Variants in WDPCP observed in about 807,000 individuals in gnomAD.
WDPCP encodes WD repeat containing planar cell polarity effector.
A neutral mutation model predicts 93.1 loss-of-function variants in WDPCP; 71 were observed. That is an observed-to-expected ratio of 0.76 (90% CI 0.63 to 0.93). WDPCP has a LOEUF of 0.93. Among genes scored for constraint, WDPCP ranks in the 40% least tolerant of loss-of-function variants. The probability of loss-of-function intolerance (pLI) is 0.00; values close to 1 mark genes in which losing one functional copy is unlikely to be tolerated. For missense variants in WDPCP, 844 were observed against 887.4 expected (o/e 0.95, Z 0.62); for synonymous variants, 315 against 315.0 (o/e 1.00, Z 0.00).
intron 10 of WDPCP, among the ~76,000 whole-genome samples, chr2:63,400,612 G>T (rs1174771055): frequency 6.6e-6 from 1 of 152,114 alleles, no homozygotes; most frequent in Non-Finnish European, 1.5e-5. Context: ...AACTACCATT[G>T]ACATTCTTCA....
intron 13 of WDPCP, among the ~76,000 whole-genome samples, chr2:63,301,218 G>GA (rs1685307307): frequency 6.6e-6 from 1 of 152,152 alleles, no homozygotes; most frequent in South Asian, 2.1e-4. Context: ...TGGTAAACGG[G>GA]AAAATTCTGC....
At chr2:63,197,333 T>C (rs1370996184) in intron 14 of WDPCP, among the ~76,000 whole-genome samples, 3 of 152,232 alleles carry the variant, frequency 2.0e-5, no homozygotes, top group African/African-American at 4.8e-5. Context: ...ATAAAACATA[T>C]GTTAATTGAT....
At chr2:63,277,441 C>T (rs187417254) in intron 13 of WDPCP, among the ~76,000 whole-genome samples, 2 of 152,310 alleles carry the variant, frequency 1.3e-5, no homozygotes, top group Admixed American at 1.3e-4. Flanking sequence ...AAATGCTTCA[C>T]TTAAAAGATA....
Position 63,120,012 on chromosome 2 carries a change from T to C in WDPCP, c.*1994A>G, listed in dbSNP as rs1341158825. Among the ~76,000 whole-genome samples the C allele has an allele frequency of 6.6e-6, 1 of 152,194 alleles. No homozygotes were observed. ...AACTATGATTTGTTTAATTTTCACCTACATAACTGGCAAACATTTTCATTA... is the reference window on the plus strand; with the variant it reads ...AACTATGATTTGTTTAATTTTCACCCACATAACTGGCAAACATTTTCATTA... On this transcript the variant is annotated 3_prime_UTR_variant, in exon 18 of 18. Transcript: ENST00000272321.
intron 2 of WDPCP, among the ~76,000 whole-genome samples, chr2:63,805,091 C>T (rs1282126365): frequency 1.3e-5 from 2 of 152,086 alleles, no homozygotes; most frequent in African/African-American, 4.8e-5. Context: ...AAGATAGGAG[C>T]AAAACAAAAG....
At chr2:63,149,310 A>T (rs577207702) in intron 17 of WDPCP, among the ~76,000 whole-genome samples, 1 of 152,208 alleles carries the variant, frequency 6.6e-6, no homozygotes, top group Non-Finnish European at 1.5e-5. Flanking sequence ...TAAAACCTCA[A>T]TGAGAAACCA....
At chr2:63,352,846 A>C (rs544546717) in intron 12 of WDPCP, among the ~76,000 whole-genome samples, 17 of 152,320 alleles carry the variant, frequency 1.1e-4, no homozygotes, top group Admixed American at 3.9e-4. Flanking sequence ...TTCACAAATA[A>C]TGTGAATATG....
intron 14 of WDPCP, among the ~76,000 whole-genome samples, chr2:63,218,971 A>G (rs995282133): frequency 2.0e-5 from 3 of 152,252 alleles, no homozygotes; most frequent in Admixed American, 1.3e-4. Flanking sequence ...ACACAAAACA[A>G]TAGAATGCTT....
chr2:63,448,853 TA>T (rs1174170246), intron 6 of WDPCP, among the ~76,000 whole-genome samples: 6 of 152,168 alleles, frequency 3.9e-5, no homozygotes, highest in Admixed American at 3.9e-4. Flanking sequence ...GTTACCATGC[TA>T]GGGGTAGGGG....
chr2:63,676,877 T>C (rs1338240545), intron 2 of WDPCP, among the ~76,000 whole-genome samples: 1 of 152,218 alleles, frequency 6.6e-6, no homozygotes, highest in East Asian at 1.9e-4. Context: ...GTGCCAATGT[T>C]CGTTTTTTGG....
intron 6 of WDPCP, among the ~76,000 whole-genome samples, chr2:63,455,240 C>A (rs1220497109): frequency 6.6e-6 from 1 of 151,844 alleles, no homozygotes; most frequent in Non-Finnish European, 1.5e-5. Flanking sequence ...CTATACAAAG[C>A]AACCTAAAGA....
At chr2:63,204,107 G>T (rs1052777750) in intron 14 of WDPCP, among the ~76,000 whole-genome samples, 1 of 152,082 alleles carries the variant, frequency 6.6e-6, no homozygotes, top group Non-Finnish European at 1.5e-5. Flanking sequence ...TCTATTTTTA[G>T]TTTTTTGAGG....
chr2:63,388,264 T>C (rs1692914099), intron 10 of WDPCP, among the ~76,000 whole-genome samples: 1 of 152,148 alleles, frequency 6.6e-6, no homozygotes, highest in Non-Finnish European at 1.5e-5. Context: ...AAACAGGGTC[T>C]GGAGTGGACC....
chr2:63,403,087 C>T lies in WDPCP; in HGVS notation c.1435+961G>A, dbSNP rs573152264. Among the ~76,000 whole-genome samples, 12 of 152,200 alleles carry T rather than the reference C, an allele frequency of 7.9e-5. No individual in the cohort carries two copies. The South Asian group carries it at 1.9e-3, about 24-fold the overall frequency. On this transcript the variant is annotated intron_variant, in intron 10 of 17. Transcript: ENST00000272321. Reference sequence around the variant, plus strand: ...ATGTGGTACACTGTGGAATATTATACAGCCATTAAAAAGAACAAGATAATG... The same window carrying T: ...ATGTGGTACACTGTGGAATATTATATAGCCATTAAAAAGAACAAGATAATG...
At position 63,627,989 on chromosome 2, in the gene WDPCP, T is replaced by G. The variant is rs150957149; in HGVS notation, n.488+22670A>C. Among the ~76,000 whole-genome samples the G allele has an allele frequency of 6.4e-3, 976 of 152,276 alleles. 14 individuals carry two copies. The highest frequency in any genetic ancestry group is 0.022 in the African/African-American group (925 of 41,558). ...GGACGGCAAAACTAAAAGAGCGCAC[T>G]GTAACGCACACCCTCTGGGGCTTTA... is the stretch of plus-strand genomic sequence containing the variant. On this transcript the variant is annotated intron_variant and non_coding_transcript_variant, in intron 3 of 4. Coordinates refer to the WDPCP transcript ENST00000467687.
rs563046442 is a variant in WDPCP, at chr2:63,622,351, C to T, written n.488+28308G>A. On this transcript the variant is annotated intron_variant and non_coding_transcript_variant, in intron 3 of 4. Transcript: ENST00000467687. ...AGCTTAGTCAAGATATATTCAAAAC[C>T]CTTCATAGTCTTGGTCACGTTGCTT... 2.7e-5 allele frequency: 43 copies of T among 1,600,160 alleles called. 1 individual carries two copies. In the East Asian group the frequency reaches 5.4e-4, roughly 20 times the overall value.
intron 13 of WDPCP, among the ~76,000 whole-genome samples, chr2:63,283,457 C>T (rs987037440): frequency 4.6e-5 from 7 of 152,148 alleles, no homozygotes; most frequent in African/African-American, 1.7e-4. Flanking sequence ...CAAATACAGC[C>T]TATGACCAGT....
At chr2:63,727,991 C>T (rs1669514204) in intron 2 of WDPCP, among the ~76,000 whole-genome samples, 1 of 152,082 alleles carries the variant, frequency 6.6e-6, no homozygotes, top group South Asian at 2.1e-4. Flanking sequence ...AAAAGATCTT[C>T]CCCCTCAGTA....
At chr2:63,206,361 T>A (rs1030861629) in intron 14 of WDPCP, among the ~76,000 whole-genome samples, 2 of 152,230 alleles carry the variant, frequency 1.3e-5, no homozygotes, top group Non-Finnish European at 2.9e-5. Context: ...AGTAACCAAT[T>A]TCCCCCTTTA....
Sources: gnomAD v4.1 joint callset for allele counts (sites outside exome capture counted in the v4.1 genomes callset) on GRCh38, gnomAD v4.1.1 for gene constraint, MANE v1.5 for transcripts, NCBI Gene and HGNC (gene_info 2026-07-23, HGNC 2026-07-21) for gene names.